RB1CC1: variants seen among roughly 807,000 people sequenced by gnomAD.
The protein encoded by RB1CC1 is RB1 inducible coiled-coil 1.
A neutral mutation model predicts 177.5 loss-of-function variants in RB1CC1; 46 were observed. That is an observed-to-expected ratio of 0.26 (90% CI 0.20 to 0.33). The LOEUF (loss-of-function observed/expected upper bound fraction) is 0.33, where lower values mean the gene tolerates loss of function less well. Ranked by LOEUF, RB1CC1 falls within the 10% of genes least tolerant of loss-of-function variation. The pLI is 1.00. For missense variants in RB1CC1, 1,703 were observed against 1,816.3 expected (o/e 0.94, Z 1.13); for synonymous variants, 666 against 613.6 (o/e 1.09, Z -1.26).
At chr8:52,679,253 C>T (rs775824155) in intron 5 of RB1CC1, among the ~76,000 whole-genome samples, 3 of 152,136 alleles carry the variant, frequency 2.0e-5, no homozygotes, top group Non-Finnish European at 4.4e-5. Flanking sequence ...ACAATTTTGC[C>T]ACAGGGAAAT....
chr8:52,632,399 A>G (rs1848828123), intron 20 of RB1CC1, among the ~76,000 whole-genome samples: 1 of 152,216 alleles, frequency 6.6e-6, no homozygotes, highest in South Asian at 2.1e-4. Context: ...AACACAACAA[A>G]TAATAACTAG....
At chr8:52,625,078 GAACA>G (rs1255273125) in intron 22 of RB1CC1, among the ~76,000 whole-genome samples, 2 of 152,036 alleles carry the variant, frequency 1.3e-5, no homozygotes, top group Admixed American at 1.3e-4. Flanking sequence ...TACAAATCAT[GAACA>G]AATATGTAGG....
rs771880349 is a variant in RB1CC1 at position 52,638,019 on chromosome 8, C to T, written c.4338-1950G>A. On this transcript the variant is annotated intron_variant, in intron 18 of 23. Transcript: ENST00000025008. ...GCCTAAGTGCCCGTGATAGAACTTC[C>T]AAGTACAATGTTGAGCAGCAGTGGC... is the stretch of plus-strand genomic sequence containing the variant. Among the ~76,000 whole-genome samples, 31 of 152,064 alleles carry T rather than the reference C, an allele frequency of 2.0e-4. 1 individual carries two copies. Among genetic ancestry groups the T allele is most frequent in the Admixed American group, 1.8e-3 (28 of 15,240 alleles).
chr8:52,647,384 A>G (rs1025196627), intron 15 of RB1CC1, among the ~76,000 whole-genome samples: 1 of 152,172 alleles, frequency 6.6e-6, no homozygotes, highest in Non-Finnish European at 1.5e-5. Flanking sequence ...ATATTCCATA[A>G]TATAATTAAT....
At chr8:52,651,541 A>C (rs1850586613) in intron 15 of RB1CC1, among the ~76,000 whole-genome samples, 1 of 152,244 alleles carries the variant, frequency 6.6e-6, no homozygotes. Context: ...AAACACATTC[A>C]GAGGACAAGT....
In RB1CC1 at chr8:52,645,868, C is replaced by T. The variant is rs772244250; in HGVS notation, c.3822-1G>A. The T allele has an allele frequency of 1.9e-6, 3 of 1,582,254 alleles. No individual in the cohort carries two copies. The highest frequency in any genetic ancestry group is 2.6e-6 in the Non-Finnish European group (3 of 1,171,594). On this transcript the variant is annotated splice_acceptor_variant, in intron 15 of 23. Coordinates refer to ENST00000025008, the MANE Select transcript of RB1CC1 (RefSeq NM_014781.5). LOFTEE classifies it high-confidence loss of function. Reference sequence around the variant, plus strand: ...TCCTCTGGTAGAGTCAATGGCAGGACTTACAAATTAAATACAGCATTAAAT... The same window carrying T: ...TCCTCTGGTAGAGTCAATGGCAGGATTTACAAATTAAATACAGCATTAAAT...
intron 8 of RB1CC1, among the ~76,000 whole-genome samples, chr8:52,664,147 C>T (rs1198274363): frequency 6.6e-6 from 1 of 152,204 alleles, no homozygotes; most frequent in Non-Finnish European, 1.5e-5. Flanking sequence ...AGTTGTCTCA[C>T]TCACCATATA....
chr8:52,623,271 G>C lies in RB1CC1; in HGVS notation c.*511C>G, dbSNP rs1014139346. ...AACAATTTGCTTTAGTATCTACTGA[G>C]GCAAACTCAAAATGATTATCAGCAT... On this transcript the variant is annotated 3_prime_UTR_variant, in exon 24 of 24. Transcript: ENST00000025008. The C allele has an allele frequency of 6.2e-6, 1 of 162,274 alleles. No individual in the cohort carries two copies. The highest frequency in any genetic ancestry group is 1.3e-5 in the Non-Finnish European group (1 of 74,286). 10.1% of individuals were successfully genotyped at this position (162,274 alleles called of 1,614,324 possible).
rs185430147 is a variant in RB1CC1, at chr8:52,652,504, G to C, written c.3821+3504C>G. Among the ~76,000 whole-genome samples the C allele has an allele frequency of 1.3e-3, 192 of 149,882 alleles. 1 individual carries two copies. The highest frequency in any genetic ancestry group is 6.5e-4 in the Non-Finnish European group (44 of 67,708). ...AGTCTTATGTATGCCACCATGTAAT[G>C]AGGTTATTTGAAAATGACTAAGTTT... On this transcript the variant is annotated intron_variant, in intron 15 of 23. Coordinates refer to ENST00000025008, the MANE Select transcript of RB1CC1 (RefSeq NM_014781.5).
At chr8:52,700,482 C>G (rs1171307811) in intron 1 of RB1CC1, among the ~76,000 whole-genome samples, 1 of 152,068 alleles carries the variant, frequency 6.6e-6, no homozygotes, top group Non-Finnish European at 1.5e-5. Flanking sequence ...CTGCAGCAAG[C>G]AGAGACTGTG....
In RB1CC1 at chr8:52,656,368, T is replaced by G; in HGVS notation, c.3461A>C (p.Glu1154Ala). The change falls in exon 15 of 24, where the codon GAA (glutamate) becomes GCA (alanine). Residue 1154 changes from glutamate (E) to alanine (A), a missense_variant. This residue lies in a region of RB1CC1 where 1,169 missense variants were observed against 1,184.7 expected (regional missense o/e 0.99). Coordinates refer to ENST00000025008, the MANE Select transcript of RB1CC1 (RefSeq NM_014781.5). Reference sequence around the variant, plus strand: ...ATGCAAAGATGTTACTTTGTTTAATTCAGCTTTAAGTATATTAGATTCTTC... The same window carrying G: ...ATGCAAAGATGTTACTTTGTTTAATGCAGCTTTAAGTATATTAGATTCTTC... ...HEEESNILKAELNKVTSLHNQ... is the reference protein window; with the variant it reads ...HEEESNILKAALNKVTSLHNQ... 1 of 1,611,530 alleles carries G rather than the reference T, an allele frequency of 6.2e-7. No homozygotes were observed. Among genetic ancestry groups the G allele is most frequent in the Non-Finnish European group, 8.5e-7 (1 of 1,179,360 alleles).
intron 16 of RB1CC1, chr8:52,643,184 AC>A (rs773692415): frequency 1.6e-4 from 26 of 161,066 alleles, no homozygotes; most frequent in Middle Eastern, 5.9e-3. Flanking sequence ...TTTGATCACC[AC>A]CCTAACATTT....
intron 18 of RB1CC1, among the ~76,000 whole-genome samples, chr8:52,638,333 C>G (rs1849310798): frequency 6.6e-6 from 1 of 152,008 alleles, no homozygotes; most frequent in Non-Finnish European, 1.5e-5. Context: ...GAAATAAAGC[C>G]AATTGGAATT....
chr8:52,641,431 A>G (rs1849576278), intron 18 of RB1CC1, among the ~76,000 whole-genome samples: 1 of 151,722 alleles, frequency 6.6e-6, no homozygotes, highest in Non-Finnish European at 1.5e-5. Flanking sequence ...TAAAATATTA[A>G]TGCCCAAAGC....
intron 8 of RB1CC1, among the ~76,000 whole-genome samples, chr8:52,662,788 C>CT (rs915665925): frequency 1.2e-4 from 18 of 151,784 alleles, no homozygotes; most frequent in East Asian, 3.9e-4. Context: ...AACTGTATGC[C>CT]TTTTTTTTCC....
chr8:52,654,635 A>G (rs1052782247), intron 15 of RB1CC1, among the ~76,000 whole-genome samples: 6 of 152,160 alleles, frequency 3.9e-5, no homozygotes, highest in Non-Finnish European at 7.3e-5. Context: ...CTCCTGAACT[A>G]AACTTCAATC....
At chr8:52,699,858 T>TATATATATATACAC (rs756226534) in intron 1 of RB1CC1, among the ~76,000 whole-genome samples, 2 of 102,792 alleles carry the variant, frequency 1.9e-5, no homozygotes, top group African/African-American at 8.2e-5. Context: ...TATATATATA[T>TATATATATATACAC]ACACACAAAA....
Position 52,694,011 on chromosome 8 carries a change from G to A in RB1CC1, c.-166-7044C>T, listed in dbSNP as rs74728203. On this transcript the variant is annotated intron_variant, in intron 1 of 23. Coordinates refer to ENST00000025008, the MANE Select transcript of RB1CC1 (RefSeq NM_014781.5). ...TTCCATACCTGGTCATCCTGGCAGT[G>A]TGGAATTCTCTAGAAATGTGCATAC... 8.1e-4 allele frequency among the ~76,000 whole-genome samples: 123 copies of A among 152,310 alleles called. 1 individual carries two copies. Among genetic ancestry groups the A allele is most frequent in the African/African-American group, 2.8e-3 (117 of 41,564 alleles).
intron 5 of RB1CC1, among the ~76,000 whole-genome samples, 195 bp from the exon 6 acceptor site, chr8:52,676,766 C>G (rs1853167517): frequency 6.6e-6 from 1 of 152,158 alleles, no homozygotes; most frequent in Non-Finnish European, 1.5e-5. Flanking sequence ...TGTTTCCGAG[C>G]AGGTATCCTA....
Sources: gnomAD v4.1 joint callset for allele counts (sites outside exome capture counted in the v4.1 genomes callset) on GRCh38, gnomAD v4.1.1 for gene constraint, gnomAD v4.1.1 regional missense constraint, MANE v1.5 for transcripts, NCBI Gene and HGNC (gene_info 2026-07-23, HGNC 2026-07-21) for gene names.